KPNA4: variants seen among roughly 807,000 people sequenced by gnomAD.
KPNA4 encodes karyopherin subunit alpha 4.
KPNA4 carries 13 observed loss-of-function variants against 71.3 expected under a neutral mutation model. That is an observed-to-expected ratio of 0.18 (90% CI 0.12 to 0.29). The LOEUF (loss-of-function observed/expected upper bound fraction) is 0.29, where lower values mean the gene tolerates loss of function less well. Among genes scored for constraint, KPNA4 ranks in the 10% least tolerant of loss-of-function variants. The pLI is 1.00. For synonymous variants in KPNA4, 189 were observed against 195.2 expected (o/e 0.97, Z 0.26); for missense variants, 334 against 603.2 (o/e 0.55, Z 4.67).
At position 160,498,153 on chromosome 3, in the gene KPNA4, G is replaced by C. The variant is rs947484479; in HGVS notation, c.*3951C>G. 5.3e-5 allele frequency: 8 copies of C among 152,218 alleles called. No individual in the cohort carries two copies. Among genetic ancestry groups the C allele is most frequent in the Non-Finnish European group, 8.8e-5 (6 of 68,028 alleles). The allele number at this position is 152,218 out of a possible 1,614,324, so 9.4% of individuals were successfully genotyped here. A position where few individuals can be genotyped will look rare whatever the true frequency, so the allele number is the denominator to read the frequency against. ...CAACAACTCATCATCTAAAGGGAAG[G>C]GTTGGGACAGACTGTAATTCATGGA... On this transcript the variant is annotated 3_prime_UTR_variant, in exon 17 of 17. Coordinates refer to ENST00000334256, the MANE Select transcript of KPNA4 (RefSeq NM_002268.5).
At chr3:160,538,118 T>C (rs979679563) in intron 1 of KPNA4, among the ~76,000 whole-genome samples, 19 of 149,800 alleles carry the variant, frequency 1.3e-4, no homozygotes, top group East Asian at 3.9e-4. Flanking sequence ...ACTATATATA[T>C]ATATGTATAT....
intron 1 of KPNA4, among the ~76,000 whole-genome samples, chr3:160,563,601 T>TA (rs1221213706): frequency 1.3e-5 from 2 of 152,246 alleles, no homozygotes; most frequent in Admixed American, 1.3e-4. Flanking sequence ...GTCAAGCACC[T>TA]AATTGCTATT....
rs377157178 is a variant in KPNA4, at chr3:160,565,552, G to T, written c.-270C>A. The T allele has an allele frequency of 1.1e-5, 6 of 531,266 alleles. No homozygotes were observed. Among genetic ancestry groups the T allele is most frequent in the East Asian group, 3.4e-5 (1 of 29,810 alleles). The allele number at this position is 531,266 out of a possible 1,614,324, so 32.9% of individuals were successfully genotyped here. On this transcript the variant is annotated 5_prime_UTR_variant, in exon 1 of 17. Coordinates refer to ENST00000334256, the MANE Select transcript of KPNA4 (RefSeq NM_002268.5). ...CGACGGAATGTGCTGCCGGCTGAGA[G>T]GGGGAGGCAGCCTCGATCTGAGGGC...
rs759134292 is a variant in KPNA4, at chr3:160,515,527, T to A, written c.957A>T (p.Thr319=). The A allele has an allele frequency of 4.3e-6, 7 of 1,613,876 alleles. No individual in the cohort carries two copies. In the African/African-American group the frequency reaches 8.0e-5, roughly 18 times the overall value. Residue 319 remains threonine (T), a synonymous_variant, in exon 12 of 17, where the codon ACA becomes ACT. Coordinates refer to ENST00000334256, the MANE Select transcript of KPNA4 (RefSeq NM_002268.5). ...GNIVTGTDEQ[T]QVVLNCDALS... ...GAGCATCACAGTTCAAAACTACTTG[T>A]GTTTGCTCATCAGTTCCAGTAACAA...
Position 160,502,485 on chromosome 3 carries a change from C to G in KPNA4, c.1468-283G>C, listed in dbSNP as rs572136929. ...TCTTGGGCTCAAGTGATCCTCCCAC[C>G]TCAGCCTCCCGAGTAGCTGGGACTA... On this transcript the variant is annotated intron_variant, in intron 16 of 16. Transcript: ENST00000334256. Among the ~76,000 whole-genome samples, 13 of 152,148 alleles carry G rather than the reference C, an allele frequency of 8.5e-5. No individual in the cohort carries two copies. In the South Asian group the frequency reaches 2.7e-3, roughly 32 times the overall value.
intron 1 of KPNA4, among the ~76,000 whole-genome samples, chr3:160,538,103 C>A (rs1429040620): frequency 6.7e-6 from 1 of 150,306 alleles, no homozygotes; most frequent in Admixed American, 6.7e-5. Flanking sequence ...CAGACACACA[C>A]ACACACTATA....
chr3:160,560,854 T>C (rs1722229495), intron 1 of KPNA4, among the ~76,000 whole-genome samples: 1 of 152,092 alleles, frequency 6.6e-6, no homozygotes, highest in African/African-American at 2.4e-5. Flanking sequence ...GCTTGGACTA[T>C]TATGTGAAAA....
intron 7 of KPNA4, among the ~76,000 whole-genome samples, chr3:160,529,664 T>C (rs1057195500): frequency 6.6e-6 from 1 of 152,170 alleles, no homozygotes; most frequent in Non-Finnish European, 1.5e-5. Context: ...TTTCTTTGTT[T>C]GGTAGAACAA....
intron 1 of KPNA4, among the ~76,000 whole-genome samples, chr3:160,553,316 G>A (rs892097396): frequency 1.3e-5 from 2 of 152,116 alleles, no homozygotes; most frequent in East Asian, 1.9e-4. Context: ...CACCTGACTC[G>A]GGAAAAGCCA....
At chr3:160,530,285 T>C (rs1721547886) in intron 7 of KPNA4, among the ~76,000 whole-genome samples, 2 of 151,786 alleles carry the variant, frequency 1.3e-5, no homozygotes, top group South Asian at 2.1e-4. Flanking sequence ...CTGGGCAACA[T>C]GGTGAAACCC....
rs960988025 is a variant in KPNA4 at position 160,514,187 on chromosome 3, G to T, written c.1033-6C>A. On this transcript the variant is annotated splice_region_variant and splice_polypyrimidine_tract_variant and intron_variant, in intron 12 of 16. Transcript: ENST00000334256. ...GAGAGGAACCACACTGCTTCCTGTA[G>T]AACAAGAGCATTTGAATATTTCTCA... 6.4e-7 allele frequency: 1 copy of T among 1,574,282 alleles called. No individual in the cohort carries two copies. The highest frequency in any genetic ancestry group is 1.2e-5 in the South Asian group (1 of 84,342).
chr3:160,505,681 T>G (rs559701155), intron 15 of KPNA4, among the ~76,000 whole-genome samples: 1 of 152,286 alleles, frequency 6.6e-6, no homozygotes, highest in African/African-American at 2.4e-5. Context: ...AAAAGTGAAA[T>G]TGCCCCTTCA....
At chr3:160,511,264 C>T (rs893554603) in intron 13 of KPNA4, among the ~76,000 whole-genome samples, 2 of 151,874 alleles carry the variant, frequency 1.3e-5, no homozygotes, top group Non-Finnish European at 2.9e-5. Context: ...CACCACCATG[C>T]CTGGCTAATT....
chr3:160,531,753 CA>C (rs1721579344), intron 5 of KPNA4, among the ~76,000 whole-genome samples, 196 bp from the exon 6 acceptor site: 1 of 151,436 alleles, frequency 6.6e-6, no homozygotes, highest in Non-Finnish European at 1.5e-5. Context: ...ATAGAGATGA[CA>C]AATAATTAGA....
chr3:160,552,270 T>C (rs1418863318), intron 1 of KPNA4, among the ~76,000 whole-genome samples: 8 of 152,132 alleles, frequency 5.3e-5, no homozygotes, highest in Non-Finnish European at 7.4e-5. Context: ...AGAGAAAAAA[T>C]TGACTTAAAA....
At chr3:160,530,723 G>A (rs1201964181) in intron 7 of KPNA4, 132 bp downstream of exon 7, 1 of 605,902 alleles carries the variant, frequency 1.7e-6, no homozygotes, top group East Asian at 3.1e-5. Context: ...TACTTAAGTT[G>A]ACCTATTTCA....
chr3:160,552,019 A>G (rs1266291435), intron 1 of KPNA4, among the ~76,000 whole-genome samples: 1 of 150,998 alleles, frequency 6.6e-6, no homozygotes, highest in Non-Finnish European at 1.5e-5. Flanking sequence ...AGTGTACAGG[A>G]CACTCCCCCA....
At chr3:160,543,347 T>C (rs1721844409) in intron 1 of KPNA4, among the ~76,000 whole-genome samples, 1 of 152,004 alleles carries the variant, frequency 6.6e-6, no homozygotes, top group South Asian at 2.1e-4. Context: ...AACTGTATCA[T>C]TTTTTTCCCC....
chr3:160,525,518 A>G (rs1192669123), intron 10 of KPNA4, among the ~76,000 whole-genome samples: 2 of 152,242 alleles, frequency 1.3e-5, no homozygotes, highest in African/African-American at 2.4e-5. Flanking sequence ...GTCAGTTTTT[A>G]TAACACTAAT....
Sources: gnomAD v4.1 joint callset for allele counts (sites outside exome capture counted in the v4.1 genomes callset) on GRCh38, gnomAD v4.1.1 for gene constraint, MANE v1.5 for transcripts, NCBI Gene and HGNC (gene_info 2026-07-23, HGNC 2026-07-21) for gene names.